The following PRKD1 variants were observed in gnomAD, a reference collection of about 807,000 sequenced individuals.
The protein encoded by PRKD1 is serine/threonine-protein kinase D1.
In PRKD1, 63 loss-of-function variants were observed where a neutral mutation model predicts 95.9. The observed-to-expected ratio is 0.66, with a 90% CI of 0.54 to 0.81. The LOEUF is 0.81. Ranked by LOEUF, PRKD1 falls within the 30% of genes least tolerant of loss-of-function variation. The pLI is 0.00. For synonymous variants in PRKD1, 425 were observed against 423.1 expected, an observed-to-expected ratio of 1.00 and a Z score of -0.05; for missense variants, 1,048 against 1,165.3, an observed-to-expected ratio of 0.90 and a Z score of 1.47.
chr14:29,920,056 GGAAGGAAGGAAA>G (rs1371184893), intron 1 of PRKD1, among the ~76,000 whole-genome samples: 2,387 of 131,312 alleles, frequency 0.018, 45 homozygotes, highest in African/African-American at 0.075. Flanking sequence ...AAGGAAGGAA[GGAAGGAAGGAAA>G]GAAGGAAGGA....
chr14:29,784,459 T>C (rs922484065), intron 1 of PRKD1, among the ~76,000 whole-genome samples: 3 of 152,228 alleles, frequency 2.0e-5, no homozygotes, highest in African/African-American at 4.8e-5. Context: ...AGAGATTGCA[T>C]TGAATCTGTA....
chr14:29,775,727 T>TAGCTGAATAAAAGGC lies in PRKD1; in HGVS notation c.265-50068_265-50054dup, dbSNP rs531645968. 7.6e-4 allele frequency among the ~76,000 whole-genome samples: 115 copies of TAGCTGAATAAAAGGC among 152,210 alleles called. No homozygotes were observed. In the South Asian group the frequency reaches 0.021, roughly 28 times the overall value. ...AGACTCCATCTCTGGGGGCAGGGCA[T>TAGCTGAATAAAAGGC]AGCTGAATAAAAGGCAGCAGAACCT... On this transcript the variant is annotated intron_variant, in intron 1 of 17. Coordinates refer to ENST00000331968, the MANE Select transcript of PRKD1 (RefSeq NM_002742.3).
At chr14:29,716,857 T>C (rs1445001352) in intron 2 of PRKD1, among the ~76,000 whole-genome samples, 4 of 152,188 alleles carry the variant, frequency 2.6e-5, no homozygotes, top group African/African-American at 7.2e-5. Context: ...AAACAATTGG[T>C]ATTCCATGAA....
At chr14:29,893,671 C>T (rs1431650205) in intron 1 of PRKD1, among the ~76,000 whole-genome samples, 4 of 152,164 alleles carry the variant, frequency 2.6e-5, no homozygotes, top group Non-Finnish European at 5.9e-5. Context: ...AGCAGTGGTT[C>T]TTAGTGTCTT....
intron 1 of PRKD1, among the ~76,000 whole-genome samples, chr14:29,730,642 A>T (rs1886385901): frequency 6.6e-6 from 1 of 152,148 alleles, no homozygotes; most frequent in South Asian, 2.1e-4. Flanking sequence ...TCAATGAATA[A>T]ATATATATAG....
chr14:29,863,486 T>C (rs1892777835), intron 1 of PRKD1, among the ~76,000 whole-genome samples: 1 of 152,162 alleles, frequency 6.6e-6, no homozygotes, highest in Non-Finnish European at 1.5e-5. Context: ...TTCCTTTCTC[T>C]CGAAATCTCT....
intron 1 of PRKD1, among the ~76,000 whole-genome samples, chr14:29,897,582 T>C (rs1213675986): frequency 1.3e-5 from 2 of 152,106 alleles, no homozygotes; most frequent in Non-Finnish European, 2.9e-5. Flanking sequence ...AGTTTCCTAA[T>C]CTGTAGAATG....
intron 13 of PRKD1, among the ~76,000 whole-genome samples, chr14:29,609,345 A>G (rs1054038562): frequency 6.6e-6 from 1 of 152,110 alleles, no homozygotes. Context: ...CTTATAATGC[A>G]CAATGCATGA....
intron 6 of PRKD1, 119 bp downstream of exon 6, chr14:29,638,370 T>C (rs1880517403): frequency 9.8e-7 from 1 of 1,016,066 alleles, no homozygotes; most frequent in African/African-American, 1.6e-5. Flanking sequence ...CATAATTTAC[T>C]TTAGACTGTG....
intron 2 of PRKD1, among the ~76,000 whole-genome samples, chr14:29,693,557 T>C (rs1171436061): frequency 1.1e-4 from 16 of 149,566 alleles, no homozygotes; most frequent in Admixed American, 4.7e-4. Context: ...GAAGTCTTGA[T>C]ATAATCAATT....
At chr14:29,903,757 T>G (rs45459502) in intron 1 of PRKD1, among the ~76,000 whole-genome samples, 9,861 of 152,222 alleles carry the variant, frequency 0.065, 384 homozygotes, top group South Asian at 0.11. Context: ...TGTCTATATT[T>G]AGATGTTTAT....
At chr14:29,647,214 A>G (rs1881182066) in intron 4 of PRKD1, among the ~76,000 whole-genome samples, 1 of 152,186 alleles carries the variant, frequency 6.6e-6, no homozygotes, top group Admixed American at 6.5e-5. Context: ...TCTTACTAAA[A>G]TACAAGGTGA....
intron 2 of PRKD1, among the ~76,000 whole-genome samples, chr14:29,682,188 T>C (rs1437777692): frequency 6.6e-6 from 1 of 152,234 alleles, no homozygotes; most frequent in East Asian, 1.9e-4. Context: ...GTTTTTGTTA[T>C]ACTAGGTCAT....
intron 1 of PRKD1, among the ~76,000 whole-genome samples, chr14:29,777,620 A>G (rs1023168132): frequency 6.6e-6 from 1 of 152,206 alleles, no homozygotes; most frequent in Non-Finnish European, 1.5e-5. Flanking sequence ...TGAACCCAAT[A>G]CGGGAGCACC....
chr14:29,668,746 T>C (rs1351152770), intron 2 of PRKD1, among the ~76,000 whole-genome samples: 2 of 152,210 alleles, frequency 1.3e-5, no homozygotes, highest in African/African-American at 4.8e-5. Context: ...AGATTTTCAG[T>C]ACTTTTTTAA....
intron 1 of PRKD1, among the ~76,000 whole-genome samples, chr14:29,769,159 T>C (rs547253915): frequency 6.6e-6 from 1 of 152,326 alleles, no homozygotes; most frequent in South Asian, 2.1e-4. Context: ...GAGATTCATG[T>C]ATCACCAACA....
intron 13 of PRKD1, among the ~76,000 whole-genome samples, chr14:29,600,558 G>A (rs982210888): frequency 5.3e-5 from 8 of 152,104 alleles, no homozygotes; most frequent in African/African-American, 1.7e-4. Context: ...TGAAAATACC[G>A]TGTTCACCGG....
At chr14:29,769,915 A>G (rs1888427926) in intron 1 of PRKD1, among the ~76,000 whole-genome samples, 1 of 152,232 alleles carries the variant, frequency 6.6e-6, no homozygotes, top group Non-Finnish European at 1.5e-5. Context: ...CATAATTCAT[A>G]TGTTGAAACC....
intron 2 of PRKD1, among the ~76,000 whole-genome samples, chr14:29,687,659 A>G (rs1288217436): frequency 6.6e-6 from 1 of 152,220 alleles, no homozygotes; most frequent in East Asian, 1.9e-4. Flanking sequence ...AGATATCTAA[A>G]TACCAGCATT....
Sources: gnomAD v4.1 joint callset for allele counts (sites outside exome capture counted in the v4.1 genomes callset) on GRCh38, gnomAD v4.1.1 for gene constraint, MANE v1.5 for transcripts, NCBI Gene and HGNC (gene_info 2026-07-23, HGNC 2026-07-21) for gene names.